The following FAM222B variants were observed in gnomAD, a reference collection of about 807,000 sequenced individuals.
The protein encoded by FAM222B is protein FAM222B.
In FAM222B, 12 loss-of-function variants were observed where a neutral mutation model predicts 38.0. The ratio of observed to expected loss-of-function variants is 0.32; its 90% CI spans 0.20 to 0.51. The LOEUF (loss-of-function observed/expected upper bound fraction) is 0.51. Among genes scored for constraint, FAM222B ranks in the 20% least tolerant of loss-of-function variants. FAM222B has a pLI of 0.97. For missense variants in FAM222B, 716 were observed against 754.2 expected, an observed-to-expected ratio of 0.95 and a Z score of 0.59; for synonymous variants, 329 against 317.2, an observed-to-expected ratio of 1.04 and a Z score of -0.40.
chr17:28,854,175 C>A (rs1299371952), intron 1 of FAM222B, among the ~76,000 whole-genome samples: 4 of 152,080 alleles, frequency 2.6e-5, no homozygotes, highest in African/African-American at 9.7e-5. Context: ...GATCTCCTGA[C>A]CTCGTGATCC....
chr17:28,789,738 T>C (rs1282830313), intron 1 of FAM222B, among the ~76,000 whole-genome samples: 3 of 152,204 alleles, frequency 2.0e-5, no homozygotes, highest in African/African-American at 7.2e-5. Flanking sequence ...CCTTGGAGAA[T>C]TGACTGAGGC....
intron 1 of FAM222B, among the ~76,000 whole-genome samples, chr17:28,785,540 T>C (rs1016280141): frequency 6.6e-6 from 1 of 151,020 alleles, no homozygotes; most frequent in African/African-American, 2.4e-5. Context: ...AGGATGAGGA[T>C]GATATTATTT....
intron 1 of FAM222B, among the ~76,000 whole-genome samples, chr17:28,829,690 T>C (rs895942528): frequency 6.6e-6 from 1 of 152,148 alleles, no homozygotes; most frequent in Non-Finnish European, 1.5e-5. Context: ...ATTGTGTAGA[T>C]ACATTAGTTT....
At chr17:28,794,125 A>G (rs1218909618) in intron 1 of FAM222B, among the ~76,000 whole-genome samples, 1 of 152,146 alleles carries the variant, frequency 6.6e-6, no homozygotes, top group Non-Finnish European at 1.5e-5. Flanking sequence ...GTACACAACA[A>G]CAAAGGATAC....
chr17:28,831,498 C>G (rs552026131), intron 1 of FAM222B, among the ~76,000 whole-genome samples: 1 of 141,948 alleles, frequency 7.0e-6, no homozygotes, highest in African/African-American at 2.6e-5. Flanking sequence ...ATTAGCTTGT[C>G]AAAGGCTTTT....
rs561618780 is a variant in FAM222B, at chr17:28,854,757, G to T, written c.-41+193C>A. Among the ~76,000 whole-genome samples, 7 of 152,290 alleles carry T rather than the reference G, an allele frequency of 4.6e-5. No individual in the cohort carries two copies. In the South Asian group the frequency reaches 1.0e-3, roughly 23 times the overall value. Reference sequence around the variant, plus strand: ...GAAATGTAGTCTTTTAGGAGACATGGCCAGAAGGGCCGTTTACAAAACTTT... The same window carrying T: ...GAAATGTAGTCTTTTAGGAGACATGTCCAGAAGGGCCGTTTACAAAACTTT... On this transcript the variant is annotated intron_variant, in intron 1 of 2. Transcript: ENST00000577513.
intron 1 of FAM222B, among the ~76,000 whole-genome samples, chr17:28,787,706 G>A (rs1241960924): frequency 6.6e-6 from 1 of 151,986 alleles, no homozygotes; most frequent in Non-Finnish European, 1.5e-5. Context: ...TACAGTCCCT[G>A]TTAGAATAAT....
At chr17:28,844,799 C>T (rs956158212), upstream of FAM222B, among the ~76,000 whole-genome samples, 11 of 151,366 alleles carry the variant, frequency 7.3e-5, no homozygotes, top group African/African-American at 2.7e-4. Flanking sequence ...CTCATCTCTA[C>T]AAAAAATCTA....
chr17:28,854,710 T>G (rs1023775073), intron 1 of FAM222B, among the ~76,000 whole-genome samples: 3 of 152,152 alleles, frequency 2.0e-5, no homozygotes, highest in Non-Finnish European at 2.9e-5. Flanking sequence ...GGGAGGACGA[T>G]TTCTGCTATT....
chr17:28,792,450 A>G (rs1191909833), intron 1 of FAM222B, among the ~76,000 whole-genome samples: 1 of 151,732 alleles, frequency 6.6e-6, no homozygotes, highest in African/African-American at 2.4e-5. Context: ...ACTGCACTCC[A>G]GCCTGGGCGA....
chr17:28,815,680 AG>A (rs2037994971), intron 1 of FAM222B, among the ~76,000 whole-genome samples: 1 of 152,026 alleles, frequency 6.6e-6, no homozygotes, highest in South Asian at 2.1e-4. Context: ...TACAAAAATT[AG>A]CAGCCAGGTG....
intron 1 of FAM222B, among the ~76,000 whole-genome samples, chr17:28,791,948 C>T (rs934046148): frequency 6.6e-6 from 1 of 151,196 alleles, no homozygotes; most frequent in African/African-American, 2.4e-5. Flanking sequence ...GTGTGAACCA[C>T]CTGTGCCTGG....
At position 28,813,025 on chromosome 17, in the gene FAM222B, G is replaced by T. The variant is rs1255030218; in HGVS notation, c.-41+29657C>A. Among the ~76,000 whole-genome samples the T allele has an allele frequency of 3.1e-5, 2 of 65,258 alleles. 1 individual carries two copies. The highest frequency in any genetic ancestry group is 7.0e-5 in the Non-Finnish European group (2 of 28,700). 42.8% of individuals were successfully genotyped at this position (65,258 alleles called of 152,430 possible). Reference sequence around the variant, plus strand: ...TTCCCGTGACGCAGAAATTAAGCGGGGGGGGGGGGGGGGGGGAGGGGGGGG... The same window carrying T: ...TTCCCGTGACGCAGAAATTAAGCGGTGGGGGGGGGGGGGGGGAGGGGGGGG... On this transcript the variant is annotated intron_variant, in intron 1 of 2. Transcript: ENST00000581407.
chr17:28,761,298 G>A lies in FAM222B; in HGVS notation c.83-1422C>T, dbSNP rs76990576. Among the ~76,000 whole-genome samples, 1,098 of 152,298 alleles carry A rather than the reference G, an allele frequency of 7.2e-3. 10 individuals carry two copies. The highest frequency in any genetic ancestry group is 0.025 in the African/African-American group (1,049 of 41,544). ...CAAGGGGGCTCTGCTCTACTCTCTC[G>A]TCTCTGAGGGAGGGTCTCCCCTGAG... On this transcript the variant is annotated intron_variant, in intron 2 of 2. Coordinates refer to ENST00000581407, the MANE Select transcript of FAM222B (RefSeq NM_001077498.3).
intron 1 of FAM222B, chr17:28,766,985 CATTTATAA>C: frequency 3.3e-6 from 1 of 303,546 alleles, no homozygotes; most frequent in Non-Finnish European, 6.3e-6. Flanking sequence ...AGTACAGGTG[CATTTATAA>C]TGTCTCAGTA....
In FAM222B at chr17:28,759,856, T is replaced by C. The variant is rs1278746642; in HGVS notation, c.103A>G (p.Arg35Gly). 6.5e-7 allele frequency: 1 copy of C among 1,548,796 alleles called. No individual in the cohort carries two copies. The highest frequency in any genetic ancestry group is 8.7e-7 in the Non-Finnish European group (1 of 1,145,706). The change falls in exon 3 of 3, where the codon AGA becomes GGA. Residue 35 changes from arginine (R) to glycine (G), a missense_variant. By Grantham distance (125) the Arg-to-Gly change is moderately radical. Transcript: ENST00000581407. This position sits in a 1 kb window ranked among gnomAD's most constrained non-coding sequence, Gnocchi z 4.8. The stretch of plus-strand genomic sequence containing the variant: ...GCTGGGGTAGGATAGTGAGCAGTTC[T>C]CATTTTCTGTGTAGTGTCCCCTAGA... ...LQKWDTTQKMRTAHYPTPAEL... is the reference protein window; with the variant it reads ...LQKWDTTQKMGTAHYPTPAEL...
At chr17:28,797,743 CAT>C (rs2037010308) in intron 1 of FAM222B, among the ~76,000 whole-genome samples, 1 of 152,118 alleles carries the variant, frequency 6.6e-6, no homozygotes, top group Non-Finnish European at 1.5e-5. Flanking sequence ...GGGTATGTAT[CAT>C]CAGCCCCATT....
chr17:28,834,404 T>C (rs1382670347), intron 1 of FAM222B: 2 of 152,198 alleles, frequency 1.3e-5, no homozygotes, highest in South Asian at 4.1e-4. Context: ...CACTTTCTTC[T>C]ACTCCTTCCT....
chr17:28,827,665 G>A (rs2038491722), intron 1 of FAM222B, among the ~76,000 whole-genome samples: 1 of 152,172 alleles, frequency 6.6e-6, no homozygotes. Flanking sequence ...TCTTAGTTAT[G>A]TTTGTTCAGA....
Sources: gnomAD v4.1 joint callset for allele counts (sites outside exome capture counted in the v4.1 genomes callset) on GRCh38, gnomAD v4.1.1 for gene constraint, Gnocchi (gnomAD v3.1) non-coding constraint, MANE v1.5 for transcripts, NCBI Gene and HGNC (gene_info 2026-07-23, HGNC 2026-07-21) for gene names.